FOXP2: variants seen among roughly 807,000 people sequenced by gnomAD.
FOXP2 encodes forkhead box protein P2.
In FOXP2, 12 loss-of-function variants were observed where a neutral mutation model predicts 115.8. That is an observed-to-expected ratio of 0.10 (90% CI 0.07 to 0.17). FOXP2 has a LOEUF of 0.17. Ranked by LOEUF, FOXP2 falls within the 10% of genes least tolerant of loss-of-function variation. The pLI is 1.00. For missense variants in FOXP2, 629 were observed against 843.5 expected, an observed-to-expected ratio of 0.75 and a Z score of 3.15; for synonymous variants, 328 against 297.7, an observed-to-expected ratio of 1.10 and a Z score of -1.05.
At chr7:114,251,913 T>C (rs1369566730) in intron 1 of FOXP2, among the ~76,000 whole-genome samples, 8 of 152,216 alleles carry the variant, frequency 5.3e-5, no homozygotes, top group Non-Finnish European at 1.2e-4. Flanking sequence ...TTCAGTATGA[T>C]ATTGGCTGTG....
At chr7:114,660,644 T>C (rs887077495) in intron 13 of FOXP2, among the ~76,000 whole-genome samples, 88 of 152,310 alleles carry the variant, frequency 5.8e-4, no homozygotes, top group African/African-American at 2.0e-3. Context: ...TGAATGTAAT[T>C]GTTTTATTTA....
chr7:114,421,839 G>C (rs1793635655), intron 1 of FOXP2, among the ~76,000 whole-genome samples: 2 of 151,702 alleles, frequency 1.3e-5, no homozygotes, highest in Admixed American at 1.3e-4. Context: ...GATCTCAAAT[G>C]CACTATGCAT....
intron 1 of FOXP2, among the ~76,000 whole-genome samples, chr7:114,121,167 G>A (rs1430307561): frequency 6.6e-6 from 1 of 152,068 alleles, no homozygotes; most frequent in Non-Finnish European, 1.5e-5. Flanking sequence ...ATTAAGTCAT[G>A]AGGATGGAGC....
intron 1 of FOXP2, among the ~76,000 whole-genome samples, chr7:114,281,806 A>G (rs1185110081): frequency 1.3e-5 from 2 of 152,048 alleles, no homozygotes; most frequent in Non-Finnish European, 2.9e-5. Flanking sequence ...TGTGGCTCCA[A>G]TTTTTTTCAA....
chr7:114,271,765 T>C (rs1796057157), intron 1 of FOXP2, among the ~76,000 whole-genome samples: 1 of 118,576 alleles, frequency 8.4e-6, no homozygotes, highest in Admixed American at 1.0e-4. Flanking sequence ...ATATATTATT[T>C]AATATATTAT....
chr7:114,508,240 A>G (rs1797918080), intron 2 of FOXP2, among the ~76,000 whole-genome samples: 1 of 152,036 alleles, frequency 6.6e-6, no homozygotes, highest in African/African-American at 2.4e-5. Flanking sequence ...TAGTCCTGAA[A>G]GATGAGTAGG....
At chr7:114,496,737 T>G (rs897388895) in intron 2 of FOXP2, among the ~76,000 whole-genome samples, 1 of 152,170 alleles carries the variant, frequency 6.6e-6, no homozygotes, top group Admixed American at 6.5e-5. Context: ...AAAAGAAATA[T>G]ATTATTGAAT....
rs181281116 is a variant in FOXP2, at chr7:114,199,216, C to T, written c.-102+36128C>T. The stretch of plus-strand genomic sequence containing the variant: ...TAATTTCACCTGAAAATTTTCTTCA[C>T]ATGTAGTGACAACTAGATATGTTTT... On this transcript the variant is annotated intron_variant, in intron 1 of 17. Transcript: ENST00000634411. Among the ~76,000 whole-genome samples, 71 of 152,218 alleles carry T rather than the reference C, an allele frequency of 4.7e-4. 1 individual carries two copies. The Middle Eastern group carries it at 0.024, about 51-fold the overall frequency.
chr7:114,587,625 C>T (rs1789768796), intron 3 of FOXP2, among the ~76,000 whole-genome samples: 2 of 151,688 alleles, frequency 1.3e-5, no homozygotes, highest in African/African-American at 2.4e-5. Context: ...AAAGCAAATC[C>T]AAACACATAA....
In FOXP2 at chr7:114,662,203, T is replaced by A. The variant is rs750533058; in HGVS notation, c.1769+17T>A. The A allele has an allele frequency of 6.2e-7, 1 of 1,611,968 alleles. No homozygotes were observed. The highest frequency in any genetic ancestry group is 8.5e-7 in the Non-Finnish European group (1 of 1,178,490). ...GATAACAGGGTATGTTTGTGATAGT[T>A]TTGTAATCCTGTATCCTGCATCCAC... On this transcript the variant is annotated intron_variant, in intron 14 of 16. Transcript: ENST00000350908.
chr7:114,659,788 C>A, intron 13 of FOXP2, 115 bp downstream of exon 13: 1 of 814,250 alleles, frequency 1.2e-6, no homozygotes, highest in South Asian at 1.4e-5. Flanking sequence ...TCTTTTTAAC[C>A]TGCCTCTTGA....
chr7:114,563,184 T>C (rs1238216329), intron 3 of FOXP2, among the ~76,000 whole-genome samples: 1 of 152,162 alleles, frequency 6.6e-6, no homozygotes, highest in Non-Finnish European at 1.5e-5. Context: ...ACATGGGGAT[T>C]AAGGGAACTA....
intron 16 of FOXP2, among the ~76,000 whole-genome samples, chr7:114,676,278 G>C (rs1397290250): frequency 6.6e-6 from 1 of 151,866 alleles, no homozygotes; most frequent in East Asian, 1.9e-4. Context: ...TAAGTTAAAG[G>C]TATCCAAATT....
At chr7:114,547,846 G>A (rs544544762) in intron 3 of FOXP2, among the ~76,000 whole-genome samples, 2 of 152,170 alleles carry the variant, frequency 1.3e-5, no homozygotes, top group Admixed American at 1.3e-4. Flanking sequence ...ATGATTTATT[G>A]GTATATAATT....
At chr7:114,521,063 G>A (rs1798601239) in intron 2 of FOXP2, among the ~76,000 whole-genome samples, 1 of 152,106 alleles carries the variant, frequency 6.6e-6, no homozygotes, top group African/African-American at 2.4e-5. Context: ...GGAAATAATG[G>A]TGTGCTTTGG....
intron 2 of FOXP2, among the ~76,000 whole-genome samples, chr7:114,520,021 C>T (rs1195558348): frequency 6.6e-6 from 1 of 151,918 alleles, no homozygotes; most frequent in African/African-American, 2.4e-5. Context: ...ATAGATATTC[C>T]TTTGGGCAGT....
chr7:114,260,903 G>C (rs965391712), intron 1 of FOXP2, among the ~76,000 whole-genome samples: 2 of 152,008 alleles, frequency 1.3e-5, no homozygotes, highest in African/African-American at 2.4e-5. Flanking sequence ...TTAACGAGTG[G>C]GTGGAAGAAG....
chr7:114,228,068 A>G (rs1299922220), intron 1 of FOXP2, among the ~76,000 whole-genome samples: 3 of 152,070 alleles, frequency 2.0e-5, no homozygotes, highest in Admixed American at 2.0e-4. Flanking sequence ...TTATGATGGC[A>G]TATCAAAAAA....
rs376365425 is a variant in FOXP2 at position 114,167,950 on chromosome 7, A to C, written c.-102+4862A>C. On this transcript the variant is annotated intron_variant, in intron 1 of 17. Coordinates refer to the FOXP2 transcript ENST00000634411. ...GACTCCATCTCAAAAAAAAAAAAAA[A>C]AAAACACGAGAGTTTGCCTGCACAA... Among the ~76,000 whole-genome samples the C allele has an allele frequency of 2.0e-4, 30 of 151,726 alleles. No individual in the cohort carries two copies. In the East Asian group the frequency reaches 2.9e-3, roughly 15 times the overall value.
Sources: gnomAD v4.1 joint callset for allele counts (sites outside exome capture counted in the v4.1 genomes callset) on GRCh38, gnomAD v4.1.1 for gene constraint, MANE v1.5 for transcripts, NCBI Gene and HGNC (gene_info 2026-07-23, HGNC 2026-07-21) for gene names.